MPRIP: variants seen among roughly 807,000 people sequenced by gnomAD.
MPRIP encodes the protein myosin phosphatase Rho interacting protein, also known as myosin phosphatase Rho-interacting protein.
MPRIP carries 59 observed loss-of-function variants against 234.9 expected under a neutral mutation model. The observed-to-expected ratio is 0.25, with a 90% CI of 0.20 to 0.31. The LOEUF (loss-of-function observed/expected upper bound fraction) is 0.31. MPRIP is among the 10% of genes least tolerant of loss of function. MPRIP has a pLI of 1.00. For missense variants in MPRIP, 2,436 were observed against 3,071.0 expected, an observed-to-expected ratio of 0.79 and a Z score of 4.89; for synonymous variants, 1,144 against 1,263.9, an observed-to-expected ratio of 0.91 and a Z score of 2.01.
At chr17:17,140,851 C>G (rs1356534534) in intron 7 of MPRIP, among the ~76,000 whole-genome samples, 1 of 152,172 alleles carries the variant, frequency 6.6e-6, no homozygotes, top group African/African-American at 2.4e-5. Flanking sequence ...CCCCCCTGCC[C>G]TCAGCACAGC....
At chr17:17,132,892 C>T (rs1414050546) in intron 5 of MPRIP, among the ~76,000 whole-genome samples, 1 of 152,220 alleles carries the variant, frequency 6.6e-6, no homozygotes, top group Non-Finnish European at 1.5e-5. Flanking sequence ...GTAAATCCCC[C>T]AAAGCTTCCC....
intron 3 of MPRIP, among the ~76,000 whole-genome samples, chr17:17,080,542 C>T (rs2144073165): frequency 6.6e-6 from 1 of 152,290 alleles, no homozygotes; most frequent in South Asian, 2.1e-4. Context: ...GTCATGCCTC[C>T]CAGGGCCACT....
At chr17:17,072,731 C>G (rs985400653) in intron 1 of MPRIP, among the ~76,000 whole-genome samples, 3 of 152,066 alleles carry the variant, frequency 2.0e-5, no homozygotes, top group Non-Finnish European at 4.4e-5. Context: ...ATATAGCTGG[C>G]CAGTTCCTGT....
At chr17:17,125,567 G>A (rs1413283667) in intron 3 of MPRIP, among the ~76,000 whole-genome samples, 2 of 152,228 alleles carry the variant, frequency 1.3e-5, no homozygotes. Flanking sequence ...AGCTTGAGGT[G>A]GAGGGACAAG....
In MPRIP at chr17:17,042,823, C is replaced by CCGCCGCCGCCGT. The variant is rs1481484180; in HGVS notation, c.-18_-17insCCGTCGCCGCCG. 4.2e-6 allele frequency: 6 copies of CCGCCGCCGCCGT among 1,417,332 alleles called. No homozygotes were observed. In the East Asian group the frequency reaches 1.5e-4, roughly 34 times the overall value. The allele number at this position is 1,417,332 out of a possible 1,614,324, so 87.8% of individuals were successfully genotyped here. A position where few individuals can be genotyped will look rare whatever the true frequency, so the allele number is the denominator to read the frequency against. ...GCCGGCCAGGCCTGCGCCGCCGCCG[C>CCGCCGCCGCCGT]CGCCGCCGTCGCCGCCGCGCCGACC... On this transcript the variant is annotated 5_prime_UTR_variant, in exon 1 of 24. Transcript: ENST00000651222.
chr17:17,057,683 T>C, intron 1 of MPRIP: 1 of 718,072 alleles, frequency 1.4e-6, no homozygotes. Flanking sequence ...ACATATATGA[T>C]GCACGAATGT....
At chr17:17,076,846 A>G (rs148037789) in intron 2 of MPRIP, among the ~76,000 whole-genome samples, 2 of 152,074 alleles carry the variant, frequency 1.3e-5, no homozygotes, top group South Asian at 4.2e-4. Context: ...TATAAATGAT[A>G]ACCCTGGCCC....
chr17:17,059,677 C>T (rs913753829), intron 1 of MPRIP, among the ~76,000 whole-genome samples: 6 of 152,210 alleles, frequency 3.9e-5, no homozygotes, highest in Non-Finnish European at 5.9e-5. Flanking sequence ...TTCGTGTCTT[C>T]GTCTCCTTGT....
chr17:17,096,523 G>T (rs1017329921), intron 3 of MPRIP, among the ~76,000 whole-genome samples: 6 of 152,154 alleles, frequency 3.9e-5, no homozygotes, highest in Non-Finnish European at 8.8e-5. Context: ...GATGACTGTT[G>T]TTCCAGAAAG....
intron 3 of MPRIP, among the ~76,000 whole-genome samples, chr17:17,110,293 T>C (rs1252141921): frequency 6.6e-6 from 1 of 152,156 alleles, no homozygotes; most frequent in African/African-American, 2.4e-5. Context: ...CCATCCAGAA[T>C]TGTGAGCCAA....
intron 23 of MPRIP, chr17:17,180,778 A>C: frequency 8.5e-7 from 1 of 1,171,066 alleles, no homozygotes; most frequent in Non-Finnish European, 1.3e-6. Flanking sequence ...ACACATACCA[A>C]ATCCAAGTGA....
At chr17:17,157,983 T>G (rs546326849) in intron 13 of MPRIP, among the ~76,000 whole-genome samples, 88 of 152,192 alleles carry the variant, frequency 5.8e-4, no homozygotes, top group Non-Finnish European at 1.2e-3. Flanking sequence ...ACGGTGGCTG[T>G]GCCCAGGTGC....
chr17:17,067,259 T>C (rs2089060185), intron 1 of MPRIP, among the ~76,000 whole-genome samples: 1 of 152,222 alleles, frequency 6.6e-6, no homozygotes, highest in Non-Finnish European at 1.5e-5. Context: ...CCATTTCCCT[T>C]AAAGGAAGCA....
chr17:17,177,184 A>G, intron 21 of MPRIP, 66 bp from the exon 22 acceptor site: 3 of 1,462,452 alleles, frequency 2.1e-6, no homozygotes, highest in Non-Finnish European at 2.8e-6. Flanking sequence ...CCAGGAAGAC[A>G]GGCCATGTTG....
chr17:17,120,988 T>C (rs1438083939), intron 3 of MPRIP, among the ~76,000 whole-genome samples: 4 of 152,162 alleles, frequency 2.6e-5, no homozygotes, highest in African/African-American at 4.8e-5. Flanking sequence ...AGCCATTGGT[T>C]GAGTCTGTTC....
chr17:17,065,392 T>G (rs1436397389), intron 1 of MPRIP, among the ~76,000 whole-genome samples: 3 of 151,594 alleles, frequency 2.0e-5, no homozygotes, highest in African/African-American at 7.3e-5. Context: ...TTTTTTTTTT[T>G]TTTTTTTTGC....
intron 1 of MPRIP, among the ~76,000 whole-genome samples, chr17:17,068,207 G>A (rs4985717): frequency 0.76 from 116,257 of 152,018 alleles, 44,761 homozygotes; most frequent in East Asian, 0.99. Context: ...CTGGAATGCA[G>A]TGGAGCGATC....
intron 3 of MPRIP, among the ~76,000 whole-genome samples, chr17:17,122,503 G>A (rs867348371): frequency 3.3e-5 from 5 of 152,170 alleles, no homozygotes; most frequent in African/African-American, 1.2e-4. Flanking sequence ...ATAGACGACT[G>A]CCACCACGCC....
chr17:17,140,888 TG>T (rs1231675147), intron 7 of MPRIP, among the ~76,000 whole-genome samples: 3 of 152,180 alleles, frequency 2.0e-5, no homozygotes, highest in Non-Finnish European at 4.4e-5. Flanking sequence ...ACCCTGGAGC[TG>T]CAGGGTGCAG....
Sources: allele counts gnomAD v4.1 joint callset (sites outside exome capture counted in the v4.1 genomes callset), GRCh38; gene constraint gnomAD v4.1.1; transcripts MANE v1.5; gene names NCBI Gene and HGNC (gene_info 2026-07-23, HGNC 2026-07-21).